The following UBE2D4 variants were observed in gnomAD, a reference collection of about 807,000 sequenced individuals.
The protein encoded by UBE2D4 is ubiquitin-conjugating enzyme E2 D4.
A neutral mutation model predicts 23.0 loss-of-function variants in UBE2D4; 17 were observed. The ratio of observed to expected loss-of-function variants is 0.74; its 90% CI spans 0.51 to 1.11. The LOEUF (loss-of-function observed/expected upper bound fraction) is 1.11. Ranked by LOEUF, UBE2D4 falls within the 50% of genes least tolerant of loss-of-function variation. The pLI is 0.00. For missense variants in UBE2D4, 139 were observed against 181.8 expected, an observed-to-expected ratio of 0.76 and a Z score of 1.35; for synonymous variants, 61 against 69.4, an observed-to-expected ratio of 0.88 and a Z score of 0.60.
At position 43,955,782 on chromosome 7, in the gene UBE2D4, C is replaced by T. The variant is rs564543328; in HGVS notation, c.*3087C>T. 1.3e-5 allele frequency: 2 copies of T among 152,342 alleles called. No homozygotes were observed. Among genetic ancestry groups the T allele is most frequent in the Non-Finnish European group, 2.9e-5 (2 of 68,108 alleles). 9.4% of individuals were successfully genotyped at this position (152,342 alleles called of 1,614,324 possible). ...CACCCCTTCTTCCCCTGCTTCCATT[C>T]CCCATGGCTCTCTCCTCTGACTGTG... On this transcript the variant is annotated 3_prime_UTR_variant, in exon 7 of 7. Transcript: ENST00000222402.
intron 4 of UBE2D4, 130 bp downstream of exon 4, chr7:43,943,161 T>C: frequency 1.1e-6 from 1 of 874,582 alleles, no homozygotes; most frequent in South Asian, 1.4e-5. Context: ...CTCCACCCTG[T>C]GGTGAGAGTT....
intron 2 of UBE2D4, among the ~76,000 whole-genome samples, chr7:43,939,021 A>G (rs1181421118): frequency 6.6e-6 from 1 of 152,220 alleles, no homozygotes. Flanking sequence ...CTCATGTCCC[A>G]TAGTCACCGC....
intron 4 of UBE2D4, among the ~76,000 whole-genome samples, chr7:43,946,813 G>A (rs1367681173): frequency 1.3e-5 from 2 of 152,082 alleles, no homozygotes; most frequent in Admixed American, 6.5e-5. Context: ...CTTAGAAAGG[G>A]TGAAGTAGAA....
rs750184952 is a variant in UBE2D4, at chr7:43,938,480, C to T, written c.74C>T (p.Pro25Leu). 1.1e-5 allele frequency: 17 copies of T among 1,613,992 alleles called. No individual in the cohort carries two copies. Among genetic ancestry groups the T allele is most frequent in the Non-Finnish European group, 1.4e-5 (16 of 1,179,980 alleles). The part of the protein sequence containing the change: ...RDPPAQCSAG[P>L]VGDDLFHWQA... Reference sequence around the variant, plus strand: ...CCTCCTGCCCAGTGTTCTGCAGGACCTGTCGGTGATGACTGTAAGTATTTT... The same window carrying T: ...CCTCCTGCCCAGTGTTCTGCAGGACTTGTCGGTGATGACTGTAAGTATTTT... The change falls in exon 2 of 7, where the codon CCT (proline) becomes CTT (leucine). Residue 25 changes from proline (P) to leucine (L), a missense_variant. Pro to Leu is a moderately conservative substitution (Grantham distance 98, BLOSUM62 -3). Coordinates refer to ENST00000222402, the MANE Select transcript of UBE2D4 (RefSeq NM_015983.4).
At chr7:43,930,150 T>C (rs978462937) in intron 1 of UBE2D4, among the ~76,000 whole-genome samples, 1 of 152,206 alleles carries the variant, frequency 6.6e-6, no homozygotes, top group African/African-American at 2.4e-5. Context: ...CTTTGCCTTG[T>C]TATGAATTAT....
chr7:43,952,661 T>C lies in UBE2D4; in HGVS notation c.410T>C (p.Leu137Pro), dbSNP rs1420423392. 6.2e-7 allele frequency: 1 copy of C among 1,613,732 alleles called. No homozygotes were observed. The highest frequency in any genetic ancestry group is 1.3e-5 in the African/African-American group (1 of 74,908). Residue 137 changes from leucine to proline, a missense_variant, in exon 7 of 7, where the codon CTA (leucine) becomes CCA (proline). Transcript: ENST00000222402. Reference sequence around the variant, plus strand: ...CTTTTTTATTCCAGGTACAACAGACTAGCAAGAGAGTGGACACAAAAATAT... The same window carrying C: ...CTTTTTTATTCCAGGTACAACAGACCAGCAAGAGAGTGGACACAAAAATAT... Reference protein sequence around the residue: ...YKADREKYNRLAREWTQKYAM With the variant: ...YKADREKYNRPAREWTQKYAM
At position 43,944,239 on chromosome 7, in the gene UBE2D4, G is replaced by T. The variant is rs1300622246; in HGVS notation, c.198+1208G>T. ...GTGGCTAATTTTTGTGTTATTTTTA[G>T]TAGAGACAGGGTTTCACAATGTTGG... On this transcript the variant is annotated intron_variant, in intron 4 of 6. Transcript: ENST00000222402. This position sits in a 1 kb window ranked among gnomAD's most constrained non-coding sequence, Gnocchi z 4.0. 1 of 152,196 alleles carries T rather than the reference G, an allele frequency of 6.6e-6. No individual in the cohort carries two copies. Among genetic ancestry groups the T allele is most frequent in the African/African-American group, 2.4e-5 (1 of 41,436 alleles). The allele number at this position is 152,196 out of a possible 1,614,324, so 9.4% of individuals were successfully genotyped here.
At chr7:43,930,941 T>C (rs1562596457) in intron 1 of UBE2D4, among the ~76,000 whole-genome samples, 1 of 151,878 alleles carries the variant, frequency 6.6e-6, no homozygotes, top group Non-Finnish European at 1.5e-5. Flanking sequence ...CTGGTCAACA[T>C]GGTGAAACCC....
At chr7:43,942,633 C>T (rs1211177258) in intron 2 of UBE2D4, 193 bp from the exon 3 acceptor site, 10 of 697,144 alleles carry the variant, frequency 1.4e-5, no homozygotes, top group Non-Finnish European at 2.5e-5. Context: ...AGCACAACCA[C>T]TTTCAGTGAG....
intron 2 of UBE2D4, among the ~76,000 whole-genome samples, chr7:43,939,828 C>T (rs192621919): frequency 4.3e-4 from 65 of 151,976 alleles, no homozygotes; most frequent in Non-Finnish European, 7.5e-4. Flanking sequence ...TAGAGACAGA[C>T]GGTAGATGAG....
At position 43,952,961 on chromosome 7, in the gene UBE2D4, T is replaced by C. The variant is rs2096006304; in HGVS notation, c.*266T>C. On this transcript the variant is annotated 3_prime_UTR_variant, in exon 7 of 7. Transcript: ENST00000222402. ...CTGGTGACACTGGAATCTCTCTCTCTGCCGCCTCAGTTTGTCTGCTGGTCT... is the reference window on the plus strand; with the variant it reads ...CTGGTGACACTGGAATCTCTCTCTCCGCCGCCTCAGTTTGTCTGCTGGTCT... 7.0e-6 allele frequency: 3 copies of C among 425,750 alleles called. No homozygotes were observed. The highest frequency in any genetic ancestry group is 4.0e-5 in the South Asian group (2 of 49,570). 26.4% of individuals were successfully genotyped at this position (425,750 alleles called of 1,614,324 possible).
chr7:43,945,918 G>A (rs868414702), intron 4 of UBE2D4, among the ~76,000 whole-genome samples: 8 of 151,640 alleles, frequency 5.3e-5, no homozygotes, highest in African/African-American at 1.9e-4. Flanking sequence ...AAGTAGCTGG[G>A]ATTACAGGCA....
At position 43,947,803 on chromosome 7, in the gene UBE2D4, CCCA is replaced by C. The variant is rs531683519; in HGVS notation, c.199-822_199-820del. 1.3e-3 allele frequency among the ~76,000 whole-genome samples: 202 copies of C among 152,334 alleles called. 1 individual carries two copies. The highest frequency in any genetic ancestry group is 4.7e-3 in the African/African-American group (195 of 41,572). ...CACAATGGTTGAACTAATTTACACT[CCCA>C]CCACCAGTGTAAAAGCATTCCTATT... is the stretch of plus-strand genomic sequence containing the variant. On this transcript the variant is annotated intron_variant, in intron 4 of 6. Transcript: ENST00000222402.
rs1001251426 is a variant in UBE2D4, at chr7:43,954,052, T to G, written c.*1357T>G. 6.6e-6 allele frequency: 1 copy of G among 152,182 alleles called. No individual in the cohort carries two copies. The highest frequency in any genetic ancestry group is 1.5e-5 in the Non-Finnish European group (1 of 68,022). The allele number at this position is 152,182 out of a possible 1,614,324, so 9.4% of individuals were successfully genotyped here. On this transcript the variant is annotated 3_prime_UTR_variant, in exon 7 of 7. Coordinates refer to ENST00000222402, the MANE Select transcript of UBE2D4 (RefSeq NM_015983.4). ...TTGATTTCTTCCAGAAACTTCCAAG[T>G]TGTGGCTACAAATTTATTGCCAGAT...
chr7:43,933,286 G>C (rs2095951302), intron 1 of UBE2D4, among the ~76,000 whole-genome samples: 1 of 151,562 alleles, frequency 6.6e-6, no homozygotes, highest in African/African-American at 2.4e-5. Context: ...TTTATACTCT[G>C]CTTTTTTCTT....
At chr7:43,947,335 T>C (rs1394114428) in intron 4 of UBE2D4, 2 of 152,146 alleles carry the variant, frequency 1.3e-5, no homozygotes, top group Non-Finnish European at 2.9e-5. Context: ...GGTTTCTCCA[T>C]GTTGAGGCTG....
intron 4 of UBE2D4, chr7:43,946,247 A>G (rs561041540): frequency 6.6e-6 from 1 of 152,104 alleles, no homozygotes; most frequent in Non-Finnish European, 1.5e-5. Flanking sequence ...GTCCCACAAC[A>G]TCCCTGGGAG....
At chr7:43,932,969 G>T (rs1249349596) in intron 1 of UBE2D4, among the ~76,000 whole-genome samples, 1 of 125,888 alleles carries the variant, frequency 7.9e-6, no homozygotes, top group Non-Finnish European at 1.6e-5. Context: ...CCTCCTGGGG[G>T]CAACAAATGT....
Position 43,926,524 on chromosome 7 carries a change from C to T in UBE2D4, c.-9C>T. On this transcript the variant is annotated 5_prime_UTR_variant, in exon 1 of 7. Coordinates refer to ENST00000222402, the MANE Select transcript of UBE2D4 (RefSeq NM_015983.4). ...GCCGGGCCGCCCGGGTCCCCGGCAG[C>T]GGGGTAGGATGGCGCTAAAGCGGAT... 6.5e-7 allele frequency: 1 copy of T among 1,532,252 alleles called. No homozygotes were observed. Among genetic ancestry groups the T allele is most frequent in the Non-Finnish European group, 8.8e-7 (1 of 1,141,104 alleles). 94.9% of individuals were successfully genotyped at this position (1,532,252 alleles called of 1,614,324 possible). A position where few individuals can be genotyped will look rare whatever the true frequency, so the allele number is the denominator to read the frequency against.
Sources: gnomAD v4.1 joint callset for allele counts (sites outside exome capture counted in the v4.1 genomes callset) on GRCh38, gnomAD v4.1.1 for gene constraint, Gnocchi (gnomAD v3.1) non-coding constraint, MANE v1.5 for transcripts, NCBI Gene and HGNC (gene_info 2026-07-23, HGNC 2026-07-21) for gene names.